NLRC5: variants seen among roughly 807,000 people sequenced by gnomAD.
NLRC5 encodes NLR family CARD domain containing 5, also known as protein NLRC5.
A neutral mutation model predicts 206.9 loss-of-function variants in NLRC5; 114 were observed. That is an observed-to-expected ratio of 0.55 (90% CI 0.47 to 0.64). The LOEUF is 0.64. Among genes scored for constraint, NLRC5 ranks in the 30% least tolerant of loss-of-function variants. The pLI is 0.00. For synonymous variants in NLRC5, 952 were observed against 962.8 expected (o/e 0.99, Z 0.21); for missense variants, 2,008 against 2,305.5 (o/e 0.87, Z 2.64).
chr16:57,031,418 T>C lies in NLRC5; in HGVS notation c.2432T>C (p.Ile811Thr). 4 of 1,613,828 alleles carry C rather than the reference T, an allele frequency of 2.5e-6. No individual in the cohort carries two copies. The highest frequency in any genetic ancestry group is 3.4e-6 in the Non-Finnish European group (4 of 1,179,960). The change falls in exon 11 of 49, where the codon ATC (isoleucine) becomes ACC (threonine). Residue 811 changes from isoleucine to threonine, a missense_variant. Ile to Thr is a moderately conservative substitution (Grantham distance 89). Coordinates refer to ENST00000688547, the MANE Select transcript of NLRC5 (RefSeq NM_001384950.1). ...RMLQAREADLIFLLSPPTETT... is the reference protein window; with the variant it reads ...RMLQAREADLTFLLSPPTETT... ...TGATCCTGCAGGGAGGCGGACCTCATCTTCCTTCTTTCCCCGCCCACAGAG... is the reference window on the plus strand; with the variant it reads ...TGATCCTGCAGGGAGGCGGACCTCACCTTCCTTCTTTCCCCGCCCACAGAG...
At chr16:57,080,026 G>A (rs558079135) in intron 46 of NLRC5, among the ~76,000 whole-genome samples, 35 of 152,184 alleles carry the variant, frequency 2.3e-4, no homozygotes, top group African/African-American at 8.2e-4. Context: ...CCAGGAGAAA[G>A]CCACCCCCAG....
chr16:57,029,711 A>C lies in NLRC5; in HGVS notation c.2244-62A>C. On this transcript the variant is annotated intron_variant, in intron 8 of 48. Coordinates refer to ENST00000688547, the MANE Select transcript of NLRC5 (RefSeq NM_001384950.1). ...GAGGGTGGCCATCCTGTCACTTGCT[A>C]ACTGGGGCTTGCAAGTGCCCCAACC... The C allele has an allele frequency of 2.8e-6, 4 of 1,428,422 alleles. No homozygotes were observed. In the South Asian group the frequency reaches 3.5e-5, roughly 13 times the overall value. The allele number at this position is 1,428,422 out of a possible 1,614,324, so 88.5% of individuals were successfully genotyped here.
In NLRC5 at chr16:57,025,576, C is replaced by T; in HGVS notation, c.633C>T (p.Asp211=). Residue 211 remains aspartate (D), a synonymous_variant, in exon 6 of 49, where the codon GAC becomes GAT. Coordinates refer to ENST00000688547, the MANE Select transcript of NLRC5 (RefSeq NM_001384950.1). ...ATGGTGCTGACGTGAGCATCTCGGA[C>T]CTCTTCAACACCAGGGTTAACAAGG... The part of the protein sequence containing the change: ...VEDGADVSIS[D]LFNTRVNKGP... 1.2e-6 allele frequency: 2 copies of T among 1,614,008 alleles called. No individual in the cohort carries two copies. Among genetic ancestry groups the T allele is most frequent in the East Asian group, 4.5e-5 (2 of 44,868 alleles).
intron 4 of NLRC5, among the ~76,000 whole-genome samples, chr16:57,023,189 C>A (rs1232163870): frequency 1.3e-5 from 2 of 152,228 alleles, no homozygotes; most frequent in Non-Finnish European, 2.9e-5. Context: ...AGTCCTCTTT[C>A]CTTTCTCCCT....
chr16:57,065,252 C>A lies in NLRC5; in HGVS notation c.4195C>A (p.Leu1399Met). The A allele has an allele frequency of 6.3e-7, 1 of 1,586,522 alleles. No individual in the cohort carries two copies. Residue 1399 changes from leucine (L) to methionine (M), a missense_variant, in exon 33 of 49, where the codon CTG becomes ATG. Coordinates refer to ENST00000688547, the MANE Select transcript of NLRC5 (RefSeq NM_001384950.1). ...PWADRARVLS[L>M]LEVCAQASGS... ...GGCGGACAGAGCCAGGGTTCTCTCC[C>A]TGTTAGAAGTCTGCGCCCAGGCCTC...
At position 57,059,024 on chromosome 16, in the gene NLRC5, C is replaced by T. The variant is rs765694339; in HGVS notation, c.3883C>T (p.Leu1295=). The T allele has an allele frequency of 4.4e-5, 71 of 1,614,046 alleles. No homozygotes were observed. Among genetic ancestry groups the T allele is most frequent in the Non-Finnish European group, 6.0e-5 (71 of 1,180,030 alleles). Residue 1295 remains leucine (L), a synonymous_variant, in exon 29 of 49, where the codon CTG becomes TTG. Transcript: ENST00000688547. Reference sequence around the variant, plus strand: ...AAGTGCCCTGTACCTGCTGGAGACACTGCCCTCCTGCCCACGTGTCCGGGA... The same window carrying T: ...AAGTGCCCTGTACCTGCTGGAGACATTGCCCTCCTGCCCACGTGTCCGGGA... ...QESALYLLET[L]PSCPRVREAS... is the part of the protein sequence containing the mutation.
At chr16:56,990,123 C>G (rs1024895938) in intron 1 of NLRC5, among the ~76,000 whole-genome samples, 8 of 152,156 alleles carry the variant, frequency 5.3e-5, no homozygotes, top group Admixed American at 5.2e-4. Context: ...GCCTTCTGCA[C>G]CTGCGGGTTT....
Position 57,009,428 on chromosome 16 carries a change from C to T in NLRC5, c.-127-7646C>T, listed in dbSNP as rs182457758. Among the ~76,000 whole-genome samples the T allele has an allele frequency of 7.1e-3, 1,079 of 151,994 alleles. 10 individuals carry two copies. Among genetic ancestry groups the T allele is most frequent in the Non-Finnish European group, 0.011 (732 of 67,982 alleles). On this transcript the variant is annotated intron_variant, in intron 1 of 48. Coordinates refer to ENST00000688547, the MANE Select transcript of NLRC5 (RefSeq NM_001384950.1). ...CTGACATGGTGAAACCCCGTCTCTACTAAAAATACAAAAAATGAGCTGGGC... is the reference window on the plus strand; with the variant it reads ...CTGACATGGTGAAACCCCGTCTCTATTAAAAATACAAAAAATGAGCTGGGC...
intron 38 of NLRC5, 109 bp from the exon 39 acceptor site, chr16:57,074,491 T>A: frequency 1.2e-6 from 1 of 850,672 alleles, no homozygotes; most frequent in South Asian, 1.4e-5. Flanking sequence ...TGGATATAAG[T>A]GGCTGTCTTG....
chr16:57,045,649 G>GC (rs142114804), intron 21 of NLRC5, among the ~76,000 whole-genome samples, 157 bp downstream of exon 21: 4,606 of 150,654 alleles, frequency 0.031, 230 homozygotes, highest in African/African-American at 0.1. Flanking sequence ...AGTAACCACC[G>GC]CCCCCCCCAT....
At chr16:57,071,206 G>A (rs1164991813) in intron 38 of NLRC5, among the ~76,000 whole-genome samples, 3 of 150,224 alleles carry the variant, frequency 2.0e-5, no homozygotes, top group African/African-American at 7.4e-5. Context: ...TGGCGTTGGT[G>A]GTTAATGGGG....
At position 57,021,020 on chromosome 16, in the gene NLRC5, G is replaced by A. The variant is rs1471371079; in HGVS notation, c.295+13G>A. 6.2e-7 allele frequency: 1 copy of A among 1,610,022 alleles called. No individual in the cohort carries two copies. Among genetic ancestry groups the A allele is most frequent in the East Asian group, 2.2e-5 (1 of 44,762 alleles). ...GGCTATGATGATGGTAAGGGCAGGT[G>A]TGAGAGACGCAAAGCAGCCGGGCCA... On this transcript the variant is annotated intron_variant, in intron 3 of 48. Coordinates refer to ENST00000688547, the MANE Select transcript of NLRC5 (RefSeq NM_001384950.1).
intron 2 of NLRC5, among the ~76,000 whole-genome samples, chr16:57,017,831 G>A (rs745506413): frequency 6.6e-6 from 1 of 152,214 alleles, no homozygotes; most frequent in Non-Finnish European, 1.5e-5. Flanking sequence ...CCTAGAAAGA[G>A]GAGAAAGAGT....
chr16:57,037,897 A>AACAC (rs770479560), intron 15 of NLRC5, among the ~76,000 whole-genome samples: 118 of 152,250 alleles, frequency 7.8e-4, no homozygotes, highest in Non-Finnish European at 9.6e-4. Flanking sequence ...CCCTGCTTTA[A>AACAC]ACACCCCTCA....
chr16:56,993,205 A>G (rs1484627305), intron 1 of NLRC5, among the ~76,000 whole-genome samples: 1 of 151,776 alleles, frequency 6.6e-6, no homozygotes, highest in East Asian at 1.9e-4. Context: ...CTTCTCACAA[A>G]TGGCAGTGTA....
Position 57,031,427 on chromosome 16 carries a change from T to C in NLRC5, c.2441T>C (p.Leu814Pro). Residue 814 changes from leucine (L) to proline (P), a missense_variant, in exon 11 of 49, where the codon CTT (leucine) becomes CCT (proline). Transcript: ENST00000688547. ...AGGGAGGCGGACCTCATCTTCCTTCTTTCCCCGCCCACAGAGACAACTGCA... is the reference window on the plus strand; with the variant it reads ...AGGGAGGCGGACCTCATCTTCCTTCCTTCCCCGCCCACAGAGACAACTGCA... ...QAREADLIFL[L>P]SPPTETTAEL... 6.2e-7 allele frequency: 1 copy of C among 1,613,786 alleles called. No homozygotes were observed. Among genetic ancestry groups the C allele is most frequent in the Non-Finnish European group, 8.5e-7 (1 of 1,179,940 alleles).
intron 34 of NLRC5, 116 bp downstream of exon 34, chr16:57,066,730 C>A: frequency 1.1e-6 from 1 of 938,356 alleles, no homozygotes; most frequent in Non-Finnish European, 1.7e-6. Context: ...GAAGTCTTTA[C>A]ACAGGCTACA....
At chr16:57,045,926 A>G (rs1314009377) in intron 21 of NLRC5, among the ~76,000 whole-genome samples, 2 of 152,236 alleles carry the variant, frequency 1.3e-5, no homozygotes, top group Admixed American at 6.5e-5. Context: ...TCTTCGCAGT[A>G]AACAACCAAT....
Position 57,043,591 on chromosome 16 carries a change from C to T in NLRC5, c.3190C>T (p.Arg1064Cys), listed in dbSNP as rs754311933. Residue 1064 changes from arginine to cysteine, a missense_variant, in exon 20 of 49, where the codon CGC (arginine) becomes TGC (cysteine). Arg to Cys is a radical substitution (Grantham distance 180, BLOSUM62 -3). Coordinates refer to ENST00000688547, the MANE Select transcript of NLRC5 (RefSeq NM_001384950.1). The part of the protein sequence containing the change: ...RCFSTLQWLF[R>C]LDISFESQHI... ...CTTCTCCACTCTGCAGTGGCTCTTC[C>T]GCTTGGACATCAGGTGAGCGTGCCT... is the stretch of plus-strand genomic sequence containing the variant. 8 of 1,613,862 alleles carry T rather than the reference C, an allele frequency of 5.0e-6. No individual in the cohort carries two copies. Among genetic ancestry groups the T allele is most frequent in the South Asian group, 2.2e-5 (2 of 91,074 alleles).
Sources: gnomAD v4.1 joint callset for allele counts (sites outside exome capture counted in the v4.1 genomes callset) on GRCh38, gnomAD v4.1.1 for gene constraint, MANE v1.5 for transcripts, NCBI Gene and HGNC (gene_info 2026-07-23, HGNC 2026-07-21) for gene names.